Variants in CYB5A observed in about 807,000 individuals in gnomAD.
CYB5A encodes the protein cytochrome b5 type A, also known as cytochrome b5.
CYB5A carries 10 observed loss-of-function variants against 16.2 expected under a neutral mutation model. That is an observed-to-expected ratio of 0.62 (90% confidence interval 0.38 to 1.04). The LOEUF (loss-of-function observed/expected upper bound fraction) is 1.04. CYB5A is among the 50% of genes least tolerant of loss of function. The probability of loss-of-function intolerance (pLI) is 0.01; values close to 1 mark genes in which losing one functional copy is unlikely to be tolerated. For synonymous variants in CYB5A, 62 were observed against 57.0 expected, an observed-to-expected ratio of 1.09 and a Z score of -0.40; for missense variants, 161 against 165.9, an observed-to-expected ratio of 0.97 and a Z score of 0.16.
chr18:74,286,497 C>G (rs886818236), intron 1 of CYB5A, among the ~76,000 whole-genome samples: 3 of 152,086 alleles, frequency 2.0e-5, no homozygotes, highest in African/African-American at 4.8e-5. Context: ...ACTTAAATGC[C>G]TTCTCTACAT....
In CYB5A at chr18:74,291,910, G is replaced by A. The variant is rs952111960; in HGVS notation, c.-35C>T. 5.0e-6 allele frequency: 8 copies of A among 1,607,214 alleles called. No individual in the cohort carries two copies. In the Admixed American group the frequency reaches 6.7e-5, roughly 13 times the overall value. On this transcript the variant is annotated 5_prime_UTR_variant, in exon 1 of 5. Transcript: ENST00000340533. ...CCGCGAGCCAGGCCCAGCACACACA[G>A]CCCCGTCGGGTGGAGCAGAGCGCGC...
At chr18:74,289,776 C>CAAA (rs531814328) in intron 1 of CYB5A, among the ~76,000 whole-genome samples, 5 of 91,212 alleles carry the variant, frequency 5.5e-5, no homozygotes, top group Non-Finnish European at 6.7e-5. Context: ...AACTCTGTCT[C>CAAA]AAAAAAAAAA....
chr18:74,286,453 T>C (rs1983322957), intron 1 of CYB5A, among the ~76,000 whole-genome samples: 1 of 152,250 alleles, frequency 6.6e-6, no homozygotes, highest in Non-Finnish European at 1.5e-5. Context: ...AAAAACAATT[T>C]ATTTTAAAAT....
rs148983438 is a variant in CYB5A, at chr18:74,287,564, C to T, written c.129+4183G>A. Among the ~76,000 whole-genome samples the T allele has an allele frequency of 3.8e-3, 582 of 152,240 alleles. 6 individuals carry two copies. The highest frequency in any genetic ancestry group is 0.012 in the African/African-American group (494 of 41,538). Reference sequence around the variant, plus strand: ...TCAGGAGCCAATAGCTTCTATGAGGCAGAATGCTGTAAAGAACATTTAAGG... The same window carrying T: ...TCAGGAGCCAATAGCTTCTATGAGGTAGAATGCTGTAAAGAACATTTAAGG... On this transcript the variant is annotated intron_variant, in intron 1 of 4. Coordinates refer to ENST00000340533, the MANE Select transcript of CYB5A (RefSeq NM_148923.4).
intron 1 of CYB5A, among the ~76,000 whole-genome samples, chr18:74,274,259 A>G (rs1982782068): frequency 6.6e-6 from 1 of 152,254 alleles, no homozygotes; most frequent in East Asian, 1.9e-4. Context: ...GAAAATATAC[A>G]CAACGAGCGA....
chr18:74,254,707 A>G (rs1400090410), intron 4 of CYB5A, among the ~76,000 whole-genome samples: 1 of 151,684 alleles, frequency 6.6e-6, no homozygotes, highest in Admixed American at 6.6e-5. Flanking sequence ...TTTTTAGTAG[A>G]GACAGGGTTT....
intron 1 of CYB5A, among the ~76,000 whole-genome samples, chr18:74,284,690 C>G (rs1173297772): frequency 1.3e-5 from 2 of 152,156 alleles, no homozygotes; most frequent in African/African-American, 4.8e-5. Context: ...CAGAGAGGAC[C>G]CTTAACTGAG....
intron 1 of CYB5A, among the ~76,000 whole-genome samples, chr18:74,264,741 T>G (rs1439128245): frequency 6.7e-6 from 1 of 150,180 alleles, no homozygotes; most frequent in Non-Finnish European, 1.5e-5. Context: ...AATAAAAGAG[T>G]TTTAGTGCTT....
chr18:74,255,014 G>A (rs1981917308), intron 4 of CYB5A, among the ~76,000 whole-genome samples: 2 of 152,148 alleles, frequency 1.3e-5, no homozygotes, highest in Non-Finnish European at 2.9e-5. Context: ...TGTAACTTTT[G>A]TCTTAGTGGG....
chr18:74,282,629 G>C (rs1331334449), intron 1 of CYB5A, among the ~76,000 whole-genome samples: 1 of 152,236 alleles, frequency 6.6e-6, no homozygotes, highest in Non-Finnish European at 1.5e-5. Flanking sequence ...GGGACACCAT[G>C]CTGAGACCTG....
At chr18:74,261,538 C>G (rs145182721) in intron 2 of CYB5A, 10 of 159,320 alleles carry the variant, frequency 6.3e-5, no homozygotes, top group Admixed American at 5.3e-4. Flanking sequence ...GCAGGCCTCC[C>G]TGATGACCCT....
chr18:74,261,220 T>G (rs992447198), intron 2 of CYB5A: 3 of 410,714 alleles, frequency 7.3e-6, no homozygotes, highest in African/African-American at 6.1e-5. Context: ...ACACATTTAT[T>G]AGACTCAGAT....
intron 3 of CYB5A, chr18:74,258,245 T>C (rs956039732): frequency 2.6e-5 from 4 of 152,172 alleles, no homozygotes; most frequent in South Asian, 2.1e-4. Flanking sequence ...CCAGCTGCAA[T>C]GTACCTACCT....
intron 1 of CYB5A, among the ~76,000 whole-genome samples, chr18:74,270,302 C>T (rs1463174153): frequency 6.6e-6 from 1 of 152,118 alleles, no homozygotes; most frequent in Non-Finnish European, 1.5e-5. Context: ...CGCCTGTAAT[C>T]CCAACACTTT....
intron 1 of CYB5A, among the ~76,000 whole-genome samples, chr18:74,281,577 C>T (rs1568223916): frequency 1.3e-5 from 2 of 152,064 alleles, no homozygotes. Flanking sequence ...ACACAAGGCA[C>T]CCTGGGAGAC....
intron 1 of CYB5A, among the ~76,000 whole-genome samples, chr18:74,278,226 T>C (rs1012791980): frequency 1.3e-5 from 2 of 152,202 alleles, no homozygotes; most frequent in African/African-American, 4.8e-5. Context: ...CCAAGTCTCC[T>C]GACCACTGTG....
At chr18:74,269,031 T>C (rs1395791427) in intron 1 of CYB5A, among the ~76,000 whole-genome samples, 3 of 152,094 alleles carry the variant, frequency 2.0e-5, no homozygotes, top group Non-Finnish European at 1.5e-5. Flanking sequence ...AGGTTAGCTA[T>C]GGGAAAATAA....
intron 1 of CYB5A, among the ~76,000 whole-genome samples, chr18:74,280,899 G>A (rs2145076275): frequency 6.6e-6 from 1 of 152,318 alleles, no homozygotes; most frequent in South Asian, 2.1e-4. Flanking sequence ...ATGGGGCAGT[G>A]TAATCAGCCC....
chr18:74,275,626 A>G (rs968497036), intron 1 of CYB5A, among the ~76,000 whole-genome samples: 2 of 152,188 alleles, frequency 1.3e-5, no homozygotes, highest in Non-Finnish European at 2.9e-5. Context: ...GTAAACATGC[A>G]GAAGCATCTG....
Sources: gnomAD v4.1 joint callset for allele counts (sites outside exome capture counted in the v4.1 genomes callset) on GRCh38, gnomAD v4.1.1 for gene constraint, MANE v1.5 for transcripts, NCBI Gene and HGNC (gene_info 2026-07-23, HGNC 2026-07-21) for gene names.